Variants in OR51B5 observed in about 807,000 individuals in gnomAD.
The protein encoded by OR51B5 is olfactory receptor 51B5.
For synonymous variants in OR51B5, 186 were observed against 144.8 expected (o/e 1.28, Z -2.04); for missense variants, 456 against 374.6 (o/e 1.22, Z -1.79).
At chr11:5,442,666 T>C (rs1006406514) in intron 1 of OR51B5, among the ~76,000 whole-genome samples, 1 of 152,214 alleles carries the variant, frequency 6.6e-6, no homozygotes, top group Non-Finnish European at 1.5e-5. Flanking sequence ...TTTTTAGTTA[T>C]TTGCCTGCTT....
At chr11:5,357,602 G>T (rs559039452) in intron 1 of OR51B5, among the ~76,000 whole-genome samples, 39 of 151,760 alleles carry the variant, frequency 2.6e-4, no homozygotes, top group Admixed American at 7.9e-4. Flanking sequence ...AGTTAACAAG[G>T]ATATCCAGGA....
At chr11:5,380,086 A>C (rs1287026540) in intron 1 of OR51B5, among the ~76,000 whole-genome samples, 1 of 152,162 alleles carries the variant, frequency 6.6e-6, no homozygotes, top group Non-Finnish European at 1.5e-5. Context: ...TGGAGTGGGG[A>C]GAAGAGATGG....
intron 1 of OR51B5, among the ~76,000 whole-genome samples, chr11:5,367,460 T>C (rs1012275974): frequency 5.9e-5 from 9 of 152,222 alleles, no homozygotes; most frequent in Non-Finnish European, 8.8e-5. Flanking sequence ...CCTCCCCTTT[T>C]CAGACCGCTT....
upstream of OR51B5, among the ~76,000 whole-genome samples, chr11:5,347,226 C>G (rs910883204): frequency 1.3e-5 from 2 of 152,282 alleles, no homozygotes; most frequent in Admixed American, 6.5e-5. Context: ...ACAGTCAAAT[C>G]TTTCCCAGTT....
intron 1 of OR51B5, chr11:5,430,719 A>T (rs1029739684): frequency 1.1e-5 from 5 of 456,760 alleles, no homozygotes; most frequent in Non-Finnish European, 2.2e-5. Context: ...GGGTCTTAAC[A>T]CTATAGATGA....
In OR51B5 at chr11:5,489,356, T is replaced by C. The variant is rs769896915; in HGVS notation, n.84+16213A>G. ...GCCATGGGACTGGATTCCATTCTCA[T>C]TGCCATTTCCTATGGCTTTATCCTC... is the stretch of plus-strand genomic sequence containing the variant. On this transcript the variant is annotated intron_variant and non_coding_transcript_variant, in intron 1 of 4. Transcript: ENST00000415970. 18 of 1,613,940 alleles carry C rather than the reference T, an allele frequency of 1.1e-5. No homozygotes were observed. The East Asian group carries it at 1.3e-4, about 12-fold the overall frequency.
intron 1 of OR51B5, among the ~76,000 whole-genome samples, chr11:5,353,812 C>T (rs1849141114): frequency 6.6e-6 from 1 of 152,218 alleles, no homozygotes; most frequent in Admixed American, 6.5e-5. Flanking sequence ...TACTCTTCAT[C>T]ACAGAAAGGT....
intron 1 of OR51B5, among the ~76,000 whole-genome samples, chr11:5,494,284 T>C (rs1246539018): frequency 6.6e-6 from 1 of 152,218 alleles, no homozygotes; most frequent in Non-Finnish European, 1.5e-5. Flanking sequence ...GGCATTATTT[T>C]CCCCCTCATA....
intron 1 of OR51B5, among the ~76,000 whole-genome samples, chr11:5,480,518 T>A (rs1448088934): frequency 6.7e-6 from 1 of 149,156 alleles, no homozygotes; most frequent in Non-Finnish European, 1.5e-5. Context: ...AGAGCAGAAC[T>A]GAAGGAAATA....
intron 1 of OR51B5, among the ~76,000 whole-genome samples, chr11:5,465,509 A>T (rs1851126352): frequency 6.6e-6 from 1 of 151,928 alleles, no homozygotes; most frequent in Non-Finnish European, 1.5e-5. Context: ...AGGCAATCCT[A>T]AGCCAAAAGA....
At chr11:5,441,472 G>A (rs16930998) in intron 1 of OR51B5, 65,153 of 1,613,282 alleles carry the variant, frequency 0.04, 4,454 homozygotes, top group East Asian at 0.33. Context: ...CCTGTCAGCT[G>A]GAGTGTTGCT....
intron 1 of OR51B5, chr11:5,489,593 A>C: frequency 6.2e-7 from 1 of 1,613,932 alleles, no homozygotes; most frequent in East Asian, 2.2e-5. Flanking sequence ...CCTATTCTCT[A>C]TGGAGCTAGA....
At chr11:5,455,701 A>G (rs925562806) in intron 1 of OR51B5, 3 of 152,172 alleles carry the variant, frequency 2.0e-5, no homozygotes, top group African/African-American at 4.8e-5. Context: ...GTAGCAAAGC[A>G]TATTGTTATC....
rs544373481 is a variant in OR51B5, at chr11:5,359,301, G to C, written n.85-12391C>G. 3.4e-5 allele frequency among the ~76,000 whole-genome samples: 5 copies of C among 148,672 alleles called. No homozygotes were observed. The South Asian group carries it at 8.8e-4, about 26-fold the overall frequency. ...ATAGGCAACTTCAGCAAAGTCTCAG[G>C]ATACAAAATCAATGTGCAAAAATCA... On this transcript the variant is annotated intron_variant and non_coding_transcript_variant, in intron 1 of 4. Transcript: ENST00000415970.
At chr11:5,384,024 C>G (rs1015287746) in intron 1 of OR51B5, 1 of 152,168 alleles carries the variant, frequency 6.6e-6, no homozygotes, top group Admixed American at 6.5e-5. Flanking sequence ...ATAGGTATCA[C>G]AAAAGCAGTG....
At chr11:5,356,945 C>G (rs1457419767) in intron 1 of OR51B5, among the ~76,000 whole-genome samples, 1 of 151,478 alleles carries the variant, frequency 6.6e-6, no homozygotes, top group African/African-American at 2.4e-5. Flanking sequence ...TTGTCATCAC[C>G]AGGCCTGACC....
At chr11:5,342,154 G>A (rs1848905277), downstream of OR51B5, among the ~76,000 whole-genome samples, 1 of 152,096 alleles carries the variant, frequency 6.6e-6, no homozygotes, top group Non-Finnish European at 1.5e-5. Flanking sequence ...ATGGACACCT[G>A]CAGAGAAATT....
intron 1 of OR51B5, chr11:5,453,224 A>G: frequency 3.2e-6 from 1 of 307,790 alleles, no homozygotes; most frequent in Non-Finnish European, 5.9e-6. Flanking sequence ...CTATTATTGA[A>G]GTATTTGTCA....
At chr11:5,352,115 C>G (rs145314470) in intron 1 of OR51B5, 1 of 1,614,026 alleles carries the variant, frequency 6.2e-7, no homozygotes, top group Non-Finnish European at 8.5e-7. Flanking sequence ...GTTTTATTTG[C>G]AATGGTCTTG....
Sources: gnomAD v4.1 joint callset for allele counts (sites outside exome capture counted in the v4.1 genomes callset) on GRCh38, gnomAD v4.1.1 for gene constraint, MANE v1.5 for transcripts, NCBI Gene and HGNC (gene_info 2026-07-23, HGNC 2026-07-21) for gene names.